TNPO2: variants seen among roughly 807,000 people sequenced by gnomAD.
The protein encoded by TNPO2 is transportin 2, also known as transportin-2.
Under a neutral mutation model 111.1 loss-of-function variants are expected in TNPO2, and 16 were observed. That is an observed-to-expected ratio of 0.14 (90% CI 0.10 to 0.22). The LOEUF (loss-of-function observed/expected upper bound fraction) is 0.22. Ranked by LOEUF, TNPO2 falls within the 10% of genes least tolerant of loss-of-function variation. The pLI is 1.00. For synonymous variants in TNPO2, 481 were observed against 475.8 expected (o/e 1.01, Z -0.14); for missense variants, 530 against 1,173.7 (o/e 0.45, Z 8.01).
At chr19:12,712,780 C>T (rs1292917732) in intron 10 of TNPO2, among the ~76,000 whole-genome samples, 2 of 152,140 alleles carry the variant, frequency 1.3e-5, no homozygotes, top group African/African-American at 2.4e-5. Flanking sequence ...TACCGGTCTC[C>T]GCGCATTGGT....
chr19:12,717,050 G>C (rs2026399872), intron 5 of TNPO2, among the ~76,000 whole-genome samples: 1 of 152,054 alleles, frequency 6.6e-6, no homozygotes, highest in African/African-American at 2.4e-5. Flanking sequence ...GTTCTGTTAA[G>C]TGCAGAGATG....
At position 12,721,296 on chromosome 19, in the gene TNPO2, C is replaced by A; in HGVS notation, c.-13-306G>T. 1 of 1,288,452 alleles carries A rather than the reference C, an allele frequency of 7.8e-7. No homozygotes were observed. The highest frequency in any genetic ancestry group is 1.3e-5 in the South Asian group (1 of 75,348). 79.8% of individuals were successfully genotyped at this position (1,288,452 alleles called of 1,614,324 possible). A position where few individuals can be genotyped will look rare whatever the true frequency, so the allele number is the denominator to read the frequency against. On this transcript the variant is annotated intron_variant, in intron 2 of 25. Coordinates refer to ENST00000425528, the MANE Select transcript of TNPO2 (RefSeq NM_001382241.1). The surrounding 1 kb of genome is among the most constrained non-coding windows in gnomAD (Gnocchi z 4.9). ...CCTCGTCCCAGGGTGGCCCATGCCG[C>A]TGACCCCGGCTCCGAGCCCGAAGGC...
chr19:12,715,444 T>C lies in TNPO2; in HGVS notation c.527A>G (p.Lys176Arg), dbSNP rs776990585. 3.7e-6 allele frequency: 6 copies of C among 1,613,726 alleles called. No individual in the cohort carries two copies. The highest frequency in any genetic ancestry group is 5.1e-6 in the Non-Finnish European group (6 of 1,179,850). Residue 176 changes from lysine (K) to arginine (R), a missense_variant, in exon 7 of 26, where the codon AAG becomes AGG. Lys to Arg is a conservative substitution (Grantham distance 26). Transcript: ENST00000425528. This position sits in a 1 kb window ranked among gnomAD's most constrained non-coding sequence, Gnocchi z 7.1. ...LNRPLNIMIP[K>R]FLQFFKHCSP... ...GCAGTGCTTGAAGAACTGCAGGAACTTGGGGATCATGATGTTGAGGGGCCT... is the reference window on the plus strand; with the variant it reads ...GCAGTGCTTGAAGAACTGCAGGAACCTGGGGATCATGATGTTGAGGGGCCT...
Position 12,714,699 on chromosome 19 carries a change from T to C in TNPO2, c.890+122A>G, listed in dbSNP as rs191342445. ...TTCTTACCACTTACACATAAATATA[T>C]ACTGAATGTAAACTGACAAGGATGT... On this transcript the variant is annotated intron_variant, in intron 10 of 25. Transcript: ENST00000425528. 1,669 of 780,956 alleles carry C rather than the reference T, an allele frequency of 2.1e-3. 22 individuals are homozygous for C. In the Middle Eastern group the frequency reaches 0.029, roughly 13 times the overall value. 48.4% of individuals were successfully genotyped at this position (780,956 alleles called of 1,614,324 possible). A position where few individuals can be genotyped will look rare whatever the true frequency, so the allele number is the denominator to read the frequency against.
chr19:12,714,967 T>C, intron 9 of TNPO2, 28 bp from the exon 10 acceptor site: 4 of 1,601,016 alleles, frequency 2.5e-6, no homozygotes, highest in Non-Finnish European at 8.5e-7. Context: ...AGCTGAGGCC[T>C]GGCCTGGCTG....
intron 13 of TNPO2, 108 bp downstream of exon 13, chr19:12,710,513 T>C (rs2025974431): frequency 1.5e-6 from 2 of 1,296,520 alleles, no homozygotes; most frequent in Admixed American, 5.3e-5. Context: ...CTGTTTGGAG[T>C]GGGGTGAGTA....
Position 12,701,964 on chromosome 19 carries a change from G to A in TNPO2, c.2411+108C>T. The A allele has an allele frequency of 1.4e-6, 2 of 1,400,102 alleles. No homozygotes were observed. Among genetic ancestry groups the A allele is most frequent in the Non-Finnish European group, 2.0e-6 (2 of 988,116 alleles). 86.7% of individuals were successfully genotyped at this position (1,400,102 alleles called of 1,614,324 possible). A position where few individuals can be genotyped will look rare whatever the true frequency, so the allele number is the denominator to read the frequency against. On this transcript the variant is annotated intron_variant, in intron 22 of 25. Coordinates refer to ENST00000425528, the MANE Select transcript of TNPO2 (RefSeq NM_001382241.1). This position sits in a 1 kb window ranked among gnomAD's most constrained non-coding sequence, Gnocchi z 5.0. ...CTGGGACATGCATCTGTGGGGGTGG[G>A]GCAGGGCAGGGAGTCAGTAGGCAGA...
intron 18 of TNPO2, among the ~76,000 whole-genome samples, chr19:12,704,786 A>C (rs1044298389): frequency 1.3e-5 from 2 of 152,040 alleles, no homozygotes; most frequent in Middle Eastern, 3.4e-3. Flanking sequence ...GGGTTCAAGC[A>C]ATTCTCCTGC....
At chr19:12,718,922 T>A (rs2026515936) in intron 5 of TNPO2, 107 bp downstream of exon 5, 2 of 1,400,978 alleles carry the variant, frequency 1.4e-6, no homozygotes, top group Non-Finnish European at 2.0e-6. Context: ...ATAGTAATAG[T>A]ACTACCATAG....
chr19:12,701,029 T>TC lies in TNPO2; in HGVS notation c.*234dup, dbSNP rs1568330087. ...CCCAGGGGCCCTTGCCCACCAGAAG[T>TC]CCCCCCCACCTCCCCGTTTGTAGGA... On this transcript the variant is annotated 3_prime_UTR_variant, in exon 26 of 26. Transcript: ENST00000425528. The surrounding 1 kb of genome is among the most constrained non-coding windows in gnomAD (Gnocchi z 5.0). 2 of 301,934 alleles carry TC rather than the reference T, an allele frequency of 6.6e-6. No homozygotes were observed. Among genetic ancestry groups the TC allele is most frequent in the South Asian group, 1.1e-4 (2 of 17,664 alleles). The allele number at this position is 301,934 out of a possible 1,614,324, so 18.7% of individuals were successfully genotyped here. A position where few individuals can be genotyped will look rare whatever the true frequency, so the allele number is the denominator to read the frequency against.
At position 12,699,324 on chromosome 19, in the gene TNPO2, A is replaced by AGCT; in HGVS notation, c.*1939_*1940insAGC. 1 of 421,480 alleles carries AGCT rather than the reference A, an allele frequency of 2.4e-6. No homozygotes were observed. The highest frequency in any genetic ancestry group is 4.8e-6 in the Non-Finnish European group (1 of 209,110). The allele number at this position is 421,480 out of a possible 1,614,324, so 26.1% of individuals were successfully genotyped here. ...AGACCCGGGAGCCCGCAGGGGGAAG[A>AGCT]GGGTGAGGAGGGAAAGAGGGACTGT... On this transcript the variant is annotated 3_prime_UTR_variant, in exon 26 of 26. Transcript: ENST00000425528.
Position 12,703,438 on chromosome 19 carries a change from G to A in TNPO2, c.2199C>T (p.Cys733=), listed in dbSNP as rs925512144. Residue 733 remains cysteine, a synonymous_variant, in exon 20 of 26, where the codon TGC becomes TGT. Coordinates refer to ENST00000425528, the MANE Select transcript of TNPO2 (RefSeq NM_001382241.1). ...TTGCAGGGCACTCACCCATCTGCAT[G>A]CAGATTTCACCAATGGCCCAGGTGG... is the stretch of plus-strand genomic sequence containing the variant. ...NNATWAIGEI[C]MQMGAEMQPY... 18 of 1,613,758 alleles carry A rather than the reference G, an allele frequency of 1.1e-5. No homozygotes were observed. The highest frequency in any genetic ancestry group is 1.4e-5 in the Non-Finnish European group (17 of 1,179,838).
rs2026037376 is a variant in TNPO2 at position 12,711,442 on chromosome 19, T to C, written c.971A>G (p.Glu324Gly). The C allele has an allele frequency of 6.2e-7, 1 of 1,613,956 alleles. No homozygotes were observed. Among genetic ancestry groups the C allele is most frequent in the Non-Finnish European group, 8.5e-7 (1 of 1,179,876 alleles). ...ILLKGDVEED[E>G]AVPDSEQDIK... ...GTCCTGCTCACTGTCGGGGACAGCC[T>C]CATCCTCCTCCACATCCCCCTGGGG... The change falls in exon 12 of 26, where the codon GAG (glutamate) becomes GGG (glycine). Residue 324 changes from glutamate to glycine, a missense_variant. Coordinates refer to ENST00000425528, the MANE Select transcript of TNPO2 (RefSeq NM_001382241.1).
Position 12,702,930 on chromosome 19 carries a change from C to A in TNPO2, c.2210-12G>T, listed in dbSNP as rs773522838. ...CTGCATCTCTGCCCCTGGGGGAGCA[C>A]CCAGTCAGAGCCCTGCACAGCCCCC... is the stretch of plus-strand genomic sequence containing the variant. On this transcript the variant is annotated splice_polypyrimidine_tract_variant and intron_variant, in intron 20 of 25. Coordinates refer to ENST00000425528, the MANE Select transcript of TNPO2 (RefSeq NM_001382241.1). The surrounding 1 kb of genome is among the most constrained non-coding windows in gnomAD (Gnocchi z 5.5). The A allele has an allele frequency of 6.2e-7, 1 of 1,613,206 alleles. No homozygotes were observed.
At position 12,710,512 on chromosome 19, in the gene TNPO2, GT is replaced by G. The variant is rs958218496; in HGVS notation, c.1270+108del. On this transcript the variant is annotated intron_variant, in intron 13 of 25. Coordinates refer to ENST00000425528, the MANE Select transcript of TNPO2 (RefSeq NM_001382241.1). ...AATTGAGATCTCAGAGCTGTTTGGA[GT>G]GGGGTGAGTAGGCCTCCAGGGAGAA... The G allele has an allele frequency of 8.5e-6, 11 of 1,298,408 alleles. No homozygotes were observed. The African/African-American group carries it at 1.5e-4, about 18-fold the overall frequency. 80.4% of individuals were successfully genotyped at this position (1,298,408 alleles called of 1,614,324 possible). A position where few individuals can be genotyped will look rare whatever the true frequency, so the allele number is the denominator to read the frequency against.
Position 12,701,364 on chromosome 19 carries a change from C to T in TNPO2, c.2676G>A (p.Ala892=), listed in dbSNP as rs774657252. 1.1e-5 allele frequency: 18 copies of T among 1,613,896 alleles called. No homozygotes were observed. In the Admixed American group the frequency reaches 2.3e-4, roughly 21 times the overall value. ...QFPPLLKERL[A]AFYGV ...TGATCACCTAGACCCCATAGAAAGCCGCCAGCCTCTCCTTGAGCAGCGGCG... is the reference window on the plus strand; with the variant it reads ...TGATCACCTAGACCCCATAGAAAGCTGCCAGCCTCTCCTTGAGCAGCGGCG... Residue 892 remains alanine (A), a synonymous_variant, in exon 25 of 26, where the codon GCG becomes GCA. Transcript: ENST00000425528. The surrounding 1 kb of genome is among the most constrained non-coding windows in gnomAD (Gnocchi z 5.0).
In TNPO2 at chr19:12,701,437, T is replaced by C; in HGVS notation, c.2603A>G (p.Lys868Arg). 1 of 1,613,922 alleles carries C rather than the reference T, an allele frequency of 6.2e-7. No homozygotes were observed. The change falls in exon 25 of 26, where the codon AAA becomes AGA. Residue 868 changes from lysine to arginine, a missense_variant. By Grantham distance (26) the Lys-to-Arg change is conservative (BLOSUM62 2). This residue lies in a region of TNPO2 where 103 missense variants were observed against 156.7 expected (regional missense o/e 0.66). Coordinates refer to ENST00000425528, the MANE Select transcript of TNPO2 (RefSeq NM_001382241.1). The surrounding 1 kb of genome is among the most constrained non-coding windows in gnomAD (Gnocchi z 5.0). ...DMFYKILHGF[K>R]DQVGEDNWQQ... Reference sequence around the variant, plus strand: ...CCAGTTATCTTCCCCAACTTGGTCTTTGAAGCCGTGGAGAATCTGTGGGGA... The same window carrying C: ...CCAGTTATCTTCCCCAACTTGGTCTCTGAAGCCGTGGAGAATCTGTGGGGA...
chr19:12,711,340 G>C lies in TNPO2; in HGVS notation c.1073C>G (p.Ala358Gly), dbSNP rs746447585. 1 of 1,613,966 alleles carries C rather than the reference G, an allele frequency of 6.2e-7. No individual in the cohort carries two copies. The highest frequency in any genetic ancestry group is 8.5e-7 in the Non-Finnish European group (1 of 1,179,898). Residue 358 changes from alanine (A) to glycine (G), a missense_variant, in exon 12 of 26, where the codon GCG becomes GGG. Ala to Gly is a moderately conservative substitution (Grantham distance 60). Around this residue, in one of 4 missense-constraint regions of TNPO2, gnomAD observed 88 missense variants for 130.2 expected, o/e 0.68. Transcript: ENST00000425528. ...EAERPDGSEDAEDDDDDDALS... is the reference protein window; with the variant it reads ...EAERPDGSEDGEDDDDDDALS... ...AGCATCATCATCATCGTCATCCTCCGCGTCCTCGGAGCCATCAGGCCGCTC... is the reference window on the plus strand; with the variant it reads ...AGCATCATCATCATCGTCATCCTCCCCGTCCTCGGAGCCATCAGGCCGCTC...
Position 12,719,104 on chromosome 19 carries a change from G to A in TNPO2, c.250C>T (p.Pro84Ser). Reference protein sequence around the residue: ...VKAHYQSFPPPVADFIKQECL... With the variant: ...VKAHYQSFPPSVADFIKQECL... ...TCCTGTTTGATGAAGTCTGCCACAG[G>A]GGGTGGGAAGCTCTGATAGTGTGCC... The change falls in exon 5 of 26, where the codon CCT (proline) becomes TCT (serine). Residue 84 changes from proline (P) to serine (S), a missense_variant. Physicochemically the swap from Pro to Ser is moderately conservative, Grantham distance 74 (BLOSUM62 -1). Around this residue, in one of 4 missense-constraint regions of TNPO2, gnomAD observed 156 missense variants for 405.8 expected, o/e 0.38. Coordinates refer to ENST00000425528, the MANE Select transcript of TNPO2 (RefSeq NM_001382241.1). This position sits in a 1 kb window ranked among gnomAD's most constrained non-coding sequence, Gnocchi z 5.0. 1 of 1,613,986 alleles carries A rather than the reference G, an allele frequency of 6.2e-7. No homozygotes were observed. Among genetic ancestry groups the A allele is most frequent in the African/African-American group, 1.3e-5 (1 of 75,036 alleles).
Sources: allele counts gnomAD v4.1 joint callset (sites outside exome capture counted in the v4.1 genomes callset), GRCh38; gene constraint gnomAD v4.1.1; regional missense constraint gnomAD v4.1.1; non-coding constraint Gnocchi (gnomAD v3.1); transcripts MANE v1.5; gene names NCBI Gene and HGNC (gene_info 2026-07-23, HGNC 2026-07-21).